The following GRAMD1B variants were observed in gnomAD, a reference collection of about 807,000 sequenced individuals.
GRAMD1B encodes the protein protein Aster-B.
GRAMD1B carries 37 observed loss-of-function variants against 99.7 expected under a neutral mutation model. The observed-to-expected ratio is 0.37, with a 90% CI of 0.29 to 0.49. The LOEUF is 0.49. Among genes scored for constraint, GRAMD1B ranks in the 20% least tolerant of loss-of-function variants. The pLI is 0.98. For missense variants in GRAMD1B, 888 were observed against 1,009.2 expected, an observed-to-expected ratio of 0.88 and a Z score of 1.63; for synonymous variants, 427 against 387.6, an observed-to-expected ratio of 1.10 and a Z score of -1.19.
At chr11:123,461,324 T>G (rs1950403600) in intron 1 of GRAMD1B, among the ~76,000 whole-genome samples, 1 of 152,208 alleles carries the variant, frequency 6.6e-6, no homozygotes. Flanking sequence ...CAGGACTGTT[T>G]CCTAAGAGTC....
At chr11:123,530,943 A>T (rs1943303606) in intron 2 of GRAMD1B, among the ~76,000 whole-genome samples, 1 of 152,094 alleles carries the variant, frequency 6.6e-6, no homozygotes, top group African/African-American at 2.4e-5. Flanking sequence ...TGAAAGTGGG[A>T]TTAAATGAGT....
At chr11:123,433,408 A>G (rs1948996791) in intron 1 of GRAMD1B, among the ~76,000 whole-genome samples, 1 of 152,164 alleles carries the variant, frequency 6.6e-6, no homozygotes, top group Non-Finnish European at 1.5e-5. Context: ...GTAGTTTGTC[A>G]TGGCTTGTCG....
intron 1 of GRAMD1B, chr11:123,435,375 C>A: frequency 1.4e-6 from 1 of 693,734 alleles, no homozygotes; most frequent in South Asian, 1.5e-5. Context: ...TTTGTTTTTT[C>A]ATTATTTGTT....
chr11:123,599,993 G>A (rs906040599), intron 7 of GRAMD1B, among the ~76,000 whole-genome samples: 1 of 152,206 alleles, frequency 6.6e-6, no homozygotes, highest in Non-Finnish European at 1.5e-5. Context: ...ACAAGAGCAG[G>A]ATCTCTTTCT....
chr11:123,512,907 C>G (rs1043604378), intron 2 of GRAMD1B, among the ~76,000 whole-genome samples: 1 of 151,728 alleles, frequency 6.6e-6, no homozygotes, highest in Non-Finnish European at 1.5e-5. Context: ...TTCATCAGCT[C>G]CCCAGGAGGC....
chr11:123,394,963 C>T (rs189620774), intron 1 of GRAMD1B, among the ~76,000 whole-genome samples: 64 of 152,320 alleles, frequency 4.2e-4, no homozygotes, highest in Non-Finnish European at 7.2e-4. Flanking sequence ...ACCAATCCCA[C>T]CCATGGTGGG....
At chr11:123,449,338 T>C (rs1389996798) in intron 1 of GRAMD1B, among the ~76,000 whole-genome samples, 1 of 152,232 alleles carries the variant, frequency 6.6e-6, no homozygotes. Context: ...TAAGCATGTG[T>C]TTAGGGAATG....
At chr11:123,536,953 G>A (rs1230085468) in intron 2 of GRAMD1B, among the ~76,000 whole-genome samples, 1 of 152,250 alleles carries the variant, frequency 6.6e-6, no homozygotes, top group Non-Finnish European at 1.5e-5. Context: ...GATTAGAGCA[G>A]TAGATTGGTC....
At chr11:123,607,582 A>T (rs1952906045) in intron 11 of GRAMD1B, among the ~76,000 whole-genome samples, 2 of 152,214 alleles carry the variant, frequency 1.3e-5, no homozygotes, top group Admixed American at 1.3e-4. Flanking sequence ...AAGTGACTGC[A>T]TGGGTTAGAT....
intron 3 of GRAMD1B, among the ~76,000 whole-genome samples, chr11:123,579,716 A>G (rs981421722): frequency 1.3e-5 from 2 of 152,136 alleles, no homozygotes; most frequent in African/African-American, 4.8e-5. Context: ...GCTCCTGCAC[A>G]CTTTTCCATC....
Position 123,613,557 on chromosome 11 carries a change from G to A in GRAMD1B, c.2126G>A (p.Arg709His), listed in dbSNP as rs768451724. The change falls in exon 16 of 20, where the codon CGT becomes CAT. Residue 709 changes from arginine to histidine, a missense_variant. Coordinates refer to ENST00000635736, the MANE Select transcript of GRAMD1B (RefSeq NM_001387025.1). ...ACTACAACGGTGCGGAGGAGGAAGC[G>A]TCCCCATGCCCACCTGCGAGTCCCT... Reference protein sequence around the residue: ...SKTTTVRRRKRPHAHLRVPHL... With the variant: ...SKTTTVRRRKHPHAHLRVPHL... The A allele has an allele frequency of 1.1e-5, 17 of 1,613,570 alleles. No homozygotes were observed. The highest frequency in any genetic ancestry group is 4.5e-5 in the East Asian group (2 of 44,878).
rs185241583 is a variant in GRAMD1B, at chr11:123,561,751, C to T, written c.453-15616C>T. On this transcript the variant is annotated intron_variant, in intron 2 of 19. Coordinates refer to ENST00000635736, the MANE Select transcript of GRAMD1B (RefSeq NM_001387025.1). ...TGCCTCTCCTCCCTCTGCAGCTGAC[C>T]TTGAATGGTGGTCATATTTCTAGCC... is the stretch of plus-strand genomic sequence containing the variant. Among the ~76,000 whole-genome samples, 9 of 152,364 alleles carry T rather than the reference C, an allele frequency of 5.9e-5. No homozygotes were observed. The East Asian group carries it at 1.7e-3, about 29-fold the overall frequency.
In GRAMD1B at chr11:123,591,737, G is replaced by A. The variant is rs537595158; in HGVS notation, c.685-2345G>A. Among the ~76,000 whole-genome samples the A allele has an allele frequency of 2.6e-5, 4 of 152,284 alleles. No individual in the cohort carries two copies. Among genetic ancestry groups the A allele is most frequent in the South Asian group, 2.1e-4 (1 of 4,822 alleles). On this transcript the variant is annotated intron_variant, in intron 4 of 19. Transcript: ENST00000635736. This position sits in a 1 kb window ranked among gnomAD's most constrained non-coding sequence, Gnocchi z 4.7. ...GGAGAGGGCTGGGGTCCCTGGCTTC[G>A]AGAGGCTGCATGGTGGCAGGCCCAG... is the stretch of plus-strand genomic sequence containing the variant.
intron 2 of GRAMD1B, among the ~76,000 whole-genome samples, chr11:123,524,954 G>A (rs1416053125): frequency 6.6e-6 from 1 of 152,198 alleles, no homozygotes; most frequent in African/African-American, 2.4e-5. Flanking sequence ...GCCCCAGCCT[G>A]GAGGATCTGA....
intron 1 of GRAMD1B, among the ~76,000 whole-genome samples, chr11:123,480,408 A>G (rs573477293): frequency 6.8e-6 from 1 of 147,506 alleles, no homozygotes; most frequent in Non-Finnish European, 1.5e-5. Flanking sequence ...TCCCCACAAC[A>G]CCCCACCCAG....
Position 123,436,135 on chromosome 11 carries a change from G to C in GRAMD1B, c.374+4969G>C, listed in dbSNP as rs537032215. ...TTTTTGTATTTTTAGTAGAGACAGG[G>C]TTTCACCATGTTGGCCAGGTGGGTC... is the stretch of plus-strand genomic sequence containing the variant. On this transcript the variant is annotated intron_variant, in intron 1 of 19. Coordinates refer to ENST00000635736, the MANE Select transcript of GRAMD1B (RefSeq NM_001387025.1). Among the ~76,000 whole-genome samples, 7 of 152,046 alleles carry C rather than the reference G, an allele frequency of 4.6e-5. No individual in the cohort carries two copies. The East Asian group carries it at 1.2e-3, about 25-fold the overall frequency.
intron 1 of GRAMD1B, among the ~76,000 whole-genome samples, chr11:123,449,100 C>T (rs907280377): frequency 2.0e-5 from 3 of 152,206 alleles, no homozygotes; most frequent in Admixed American, 6.5e-5. Context: ...ACTTTGCCAC[C>T]GTAAGGCCTT....
chr11:123,521,385 T>C lies in GRAMD1B; in HGVS notation c.452+40492T>C, dbSNP rs528292071. ...GTTTGTCTATTTTTAGAATTATCTT[T>C]CTTTTTCTCATTGGTTTGTAGGGAT... On this transcript the variant is annotated intron_variant, in intron 2 of 19. Transcript: ENST00000635736. Among the ~76,000 whole-genome samples the C allele has an allele frequency of 3.3e-4, 51 of 152,342 alleles. 1 individual carries two copies. In the Middle Eastern group the frequency reaches 0.01, roughly 30 times the overall value.
At chr11:123,602,200 G>T (rs1408965050) in intron 8 of GRAMD1B, among the ~76,000 whole-genome samples, 3 of 152,140 alleles carry the variant, frequency 2.0e-5, no homozygotes, top group Non-Finnish European at 4.4e-5. Context: ...GCCATTCCAG[G>T]CACTTCTCCT....
Sources: allele counts gnomAD v4.1 joint callset (sites outside exome capture counted in the v4.1 genomes callset), GRCh38; gene constraint gnomAD v4.1.1; non-coding constraint Gnocchi (gnomAD v3.1); transcripts MANE v1.5; gene names NCBI Gene and HGNC (gene_info 2026-07-23, HGNC 2026-07-21).